IGF1R: variants seen among roughly 807,000 people sequenced by gnomAD.
IGF1R encodes insulin like growth factor 1 receptor.
IGF1R carries 44 observed loss-of-function variants against 144.6 expected under a neutral mutation model. That is an observed-to-expected ratio of 0.30 (90% CI 0.24 to 0.39). The LOEUF (loss-of-function observed/expected upper bound fraction) is 0.39. IGF1R is among the 10% of genes least tolerant of loss of function. The pLI is 1.00. For missense variants in IGF1R, 1,355 were observed against 1,833.7 expected, an observed-to-expected ratio of 0.74 and a Z score of 4.77; for synonymous variants, 795 against 722.8, an observed-to-expected ratio of 1.10 and a Z score of -1.60.
At chr15:98,792,790 T>C (rs1227668118) in intron 2 of IGF1R, among the ~76,000 whole-genome samples, 1 of 152,240 alleles carries the variant, frequency 6.6e-6, no homozygotes, top group Non-Finnish European at 1.5e-5. Context: ...TTTGTACTGA[T>C]ACTCTGTGCC....
intron 2 of IGF1R, among the ~76,000 whole-genome samples, chr15:98,723,229 T>C (rs964231176): frequency 6.6e-6 from 1 of 152,208 alleles, no homozygotes; most frequent in Non-Finnish European, 1.5e-5. Flanking sequence ...TGAAGCTTTT[T>C]ATAACTTTTC....
chr15:98,902,702 C>T (rs1056639671), intron 5 of IGF1R, among the ~76,000 whole-genome samples: 4 of 152,208 alleles, frequency 2.6e-5, no homozygotes, highest in African/African-American at 7.2e-5. Context: ...GCTTGAGCCA[C>T]CACGCCCGGC....
chr15:98,701,494 A>G (rs2053732395), intron 1 of IGF1R, among the ~76,000 whole-genome samples: 1 of 151,576 alleles, frequency 6.6e-6, no homozygotes, highest in South Asian at 2.1e-4. Context: ...CCGCCACCAC[A>G]CCCGGCTAAT....
chr15:98,694,836 G>A (rs998737049), intron 1 of IGF1R, among the ~76,000 whole-genome samples: 1 of 152,186 alleles, frequency 6.6e-6, no homozygotes. Context: ...CTTTCCTGTG[G>A]CTTGCTGGGG....
chr15:98,779,864 A>G (rs1434544836), intron 2 of IGF1R, among the ~76,000 whole-genome samples: 3 of 152,160 alleles, frequency 2.0e-5, no homozygotes, highest in Admixed American at 6.5e-5. Flanking sequence ...ACCCAAGCAA[A>G]GAGAGTTAAT....
chr15:98,894,507 G>C (rs2014081304), intron 3 of IGF1R, among the ~76,000 whole-genome samples: 1 of 152,212 alleles, frequency 6.6e-6, no homozygotes, highest in African/African-American at 2.4e-5. Flanking sequence ...ACAAACCATT[G>C]AAGTACACTA....
chr15:98,864,335 T>C (rs537242102), intron 2 of IGF1R, among the ~76,000 whole-genome samples: 1 of 152,332 alleles, frequency 6.6e-6, no homozygotes, highest in East Asian at 1.9e-4. Flanking sequence ...CAGTCCCAAA[T>C]CTAATTGGTA....
chr15:98,956,787 T>C (rs41320247), intron 20 of IGF1R, among the ~76,000 whole-genome samples: 8,235 of 152,292 alleles, frequency 0.054, 750 homozygotes, highest in African/African-American at 0.19. Flanking sequence ...TGGACCTGGA[T>C]TAGTCCTTCT....
chr15:98,940,863 G>T (rs1038626024), intron 18 of IGF1R, among the ~76,000 whole-genome samples: 2 of 152,186 alleles, frequency 1.3e-5, no homozygotes, highest in Non-Finnish European at 2.9e-5. Context: ...ACGTTGAGAC[G>T]TCCTCACGTT....
intron 2 of IGF1R, among the ~76,000 whole-genome samples, chr15:98,732,298 G>A (rs1336817216): frequency 6.6e-6 from 1 of 152,220 alleles, no homozygotes; most frequent in Non-Finnish European, 1.5e-5. Context: ...AGATTGTGGG[G>A]TAGGTGAATA....
chr15:98,830,603 A>ACCTTTTTTTTTTT (rs949484748), intron 2 of IGF1R, among the ~76,000 whole-genome samples: 1 of 133,716 alleles, frequency 7.5e-6, no homozygotes, highest in African/African-American at 3.3e-5. Context: ...TCTGATCATC[A>ACCTTTTTTTTTTT]TCTTTTTTTT....
intron 2 of IGF1R, among the ~76,000 whole-genome samples, chr15:98,738,249 T>C (rs1365154975): frequency 6.6e-6 from 1 of 152,218 alleles, no homozygotes; most frequent in East Asian, 1.9e-4. Flanking sequence ...TTGCCCCGGC[T>C]GAACTCAAAC....
intron 2 of IGF1R, among the ~76,000 whole-genome samples, chr15:98,848,914 A>G (rs914323466): frequency 6.6e-6 from 1 of 152,272 alleles, no homozygotes; most frequent in Non-Finnish European, 1.5e-5. Context: ...ATTAAAAGAT[A>G]CAGAAGACAA....
intron 2 of IGF1R, among the ~76,000 whole-genome samples, chr15:98,779,594 T>C (rs572428742): frequency 2.0e-5 from 3 of 152,366 alleles, no homozygotes; most frequent in African/African-American, 7.2e-5. Flanking sequence ...GAAATTTTAC[T>C]GTTTTGAGCT....
chr15:98,941,505 A>G (rs2016365584), intron 18 of IGF1R, among the ~76,000 whole-genome samples: 1 of 152,134 alleles, frequency 6.6e-6, no homozygotes, highest in Non-Finnish European at 1.5e-5. Context: ...GTGCTGAGGA[A>G]GGTCGTTTGT....
chr15:98,715,506 G>A (rs1204513487), intron 2 of IGF1R, among the ~76,000 whole-genome samples: 1 of 152,200 alleles, frequency 6.6e-6, no homozygotes, highest in East Asian at 1.9e-4. Flanking sequence ...TCCTGTGCTT[G>A]AAAAGCCTCT....
intron 2 of IGF1R, among the ~76,000 whole-genome samples, chr15:98,875,458 G>C (rs1436268324): frequency 6.6e-6 from 1 of 150,558 alleles, no homozygotes; most frequent in Non-Finnish European, 1.5e-5. Context: ...ACAAGTTGCT[G>C]TCTACTGATC....
At chr15:98,725,565 C>T (rs755042435) in intron 2 of IGF1R, among the ~76,000 whole-genome samples, 2 of 152,120 alleles carry the variant, frequency 1.3e-5, no homozygotes, top group African/African-American at 2.4e-5. Flanking sequence ...CTTTGGGACT[C>T]CTAGATGTGG....
At chr15:98,723,297 T>C (rs1543106) in intron 2 of IGF1R, among the ~76,000 whole-genome samples, 144,942 of 152,248 alleles carry the variant, frequency 0.95, 69,160 homozygotes, top group Non-Finnish European at 0.98. Context: ...CAGACGTTCT[T>C]CTTCTCTCCT....
Sources: allele counts gnomAD v4.1 joint callset (sites outside exome capture counted in the v4.1 genomes callset), GRCh38; gene constraint gnomAD v4.1.1; transcripts MANE v1.5; gene names NCBI Gene and HGNC (gene_info 2026-07-23, HGNC 2026-07-21).